PCDH15: variants seen among roughly 807,000 people sequenced by gnomAD.
PCDH15 encodes the protein protocadherin-15.
A neutral mutation model predicts 178.5 loss-of-function variants in PCDH15; 129 were observed. The ratio of observed to expected loss-of-function variants is 0.72; its 90% CI spans 0.63 to 0.84. The LOEUF (loss-of-function observed/expected upper bound fraction) is 0.84, where lower values mean the gene tolerates loss of function less well. Among genes scored for constraint, PCDH15 ranks in the 40% least tolerant of loss-of-function variants. The pLI is 0.00. For synonymous variants in PCDH15, 800 were observed against 732.0 expected (o/e 1.09, Z -1.50); for missense variants, 2,230 against 2,099.9 (o/e 1.06, Z -1.21).
intron 2 of PCDH15, among the ~76,000 whole-genome samples, chr10:55,612,508 G>C (rs1337973619): frequency 2.6e-5 from 4 of 152,056 alleles, no homozygotes; most frequent in African/African-American, 9.7e-5. Context: ...GATCTTATTA[G>C]AGGAAGAAAA....
At chr10:53,827,250 C>T in intron 32 of PCDH15, 143 bp downstream of exon 32, 3 of 1,233,562 alleles carry the variant, frequency 2.4e-6, no homozygotes, top group East Asian at 2.7e-5. Context: ...AGATTTTCGT[C>T]TTAACAAATT....
At chr10:54,154,314 T>C (rs765172810) in intron 13 of PCDH15, among the ~76,000 whole-genome samples, 1 of 147,444 alleles carries the variant, frequency 6.8e-6, no homozygotes, top group African/African-American at 2.7e-5. Context: ...AATTTACACA[T>C]GAGGGAATAT....
intron 3 of PCDH15, among the ~76,000 whole-genome samples, chr10:54,460,854 T>A (rs2077123156): frequency 6.6e-6 from 1 of 152,022 alleles, no homozygotes; most frequent in African/African-American, 2.4e-5. Context: ...CGTGGGAGAG[T>A]GTTAAATAGC....
rs556767778 is a variant in PCDH15 at position 55,469,942 on chromosome 10, G to A, written c.-156+157683C>T. On this transcript the variant is annotated intron_variant, in intron 2 of 5. Transcript: ENST00000613346. ...GTATGTATTCATCTTTCCTCCTGGT[G>A]TTTCATGGATTTGTTTTTTCCACTT... Among the ~76,000 whole-genome samples the A allele has an allele frequency of 6.6e-5, 10 of 152,036 alleles. No homozygotes were observed. In the South Asian group the frequency reaches 2.1e-3, roughly 32 times the overall value.
intron 1 of PCDH15, among the ~76,000 whole-genome samples, chr10:54,676,323 T>C (rs1590987486): frequency 6.6e-6 from 1 of 152,078 alleles, no homozygotes; most frequent in Non-Finnish European, 1.5e-5. Flanking sequence ...CCAATTAAAC[T>C]AATCTTTTCT....
intron 2 of PCDH15, among the ~76,000 whole-genome samples, chr10:55,156,102 C>T (rs1838881547): frequency 1.3e-5 from 2 of 152,132 alleles, no homozygotes; most frequent in Non-Finnish European, 2.9e-5. Flanking sequence ...AAAGGACCTA[C>T]ACTCCAATCC....
intron 2 of PCDH15, among the ~76,000 whole-genome samples, chr10:55,070,599 C>T (rs556839597): frequency 1.3e-5 from 2 of 152,160 alleles, no homozygotes; most frequent in South Asian, 2.1e-4. Context: ...AGATACGTGG[C>T]GTTATTTCTG....
At chr10:53,906,796 T>G (rs2133714514) in intron 25 of PCDH15, 1 of 88,834 alleles carries the variant, frequency 1.1e-5, no homozygotes, top group African/African-American at 5.0e-5. Flanking sequence ...CCACCCCTTA[T>G]TCCTCTTTTT....
chr10:55,607,975 C>T (rs1382276218), intron 2 of PCDH15, among the ~76,000 whole-genome samples: 3 of 151,878 alleles, frequency 2.0e-5, no homozygotes, highest in African/African-American at 7.3e-5. Flanking sequence ...TTATTTTATA[C>T]TTTATAATTT....
chr10:54,949,856 C>T (rs981176690), intron 2 of PCDH15, among the ~76,000 whole-genome samples: 1 of 151,926 alleles, frequency 6.6e-6, no homozygotes, highest in African/African-American at 2.4e-5. Context: ...TTCCAGTTCC[C>T]AACAAATTCC....
chr10:55,200,628 G>A (rs763343866), intron 1 of PCDH15, among the ~76,000 whole-genome samples: 2 of 152,060 alleles, frequency 1.3e-5, no homozygotes, highest in Non-Finnish European at 2.9e-5. Flanking sequence ...GCCAGGAACA[G>A]AATGATATGG....
chr10:55,177,565 C>G (rs1839528691), intron 1 of PCDH15, among the ~76,000 whole-genome samples: 1 of 152,144 alleles, frequency 6.6e-6, no homozygotes, highest in Admixed American at 6.5e-5. Flanking sequence ...CCAGAGGCTA[C>G]TAAGTTAACG....
At chr10:55,114,405 C>T (rs1206232196) in intron 2 of PCDH15, among the ~76,000 whole-genome samples, 9 of 152,124 alleles carry the variant, frequency 5.9e-5, no homozygotes, top group Admixed American at 5.2e-4. Context: ...ACCTATACTT[C>T]CAAAAAGTAA....
intron 8 of PCDH15, among the ~76,000 whole-genome samples, chr10:54,295,586 T>C (rs922281642): frequency 3.3e-5 from 5 of 152,126 alleles, no homozygotes; most frequent in Non-Finnish European, 7.4e-5. Flanking sequence ...AAGAAGAAAC[T>C]CTGGACGTAT....
At chr10:54,390,399 T>C (rs769662386) in intron 3 of PCDH15, among the ~76,000 whole-genome samples, 1 of 152,148 alleles carries the variant, frequency 6.6e-6, no homozygotes, top group Non-Finnish European at 1.5e-5. Context: ...TTCACGCCAT[T>C]CTTCTGCCTC....
chr10:55,444,200 G>T (rs1391512090), intron 2 of PCDH15, among the ~76,000 whole-genome samples: 1 of 151,436 alleles, frequency 6.6e-6, no homozygotes. Context: ...GGGTGGATGG[G>T]TGCAGCAAAC....
At chr10:53,823,731 C>G (rs966262397) in intron 32 of PCDH15, 8 of 443,984 alleles carry the variant, frequency 1.8e-5, no homozygotes, top group African/African-American at 1.5e-4. Flanking sequence ...GAACACCATC[C>G]TTGCCTGAGG....
chr10:55,606,585 T>C (rs1843222876), intron 2 of PCDH15, among the ~76,000 whole-genome samples: 1 of 147,192 alleles, frequency 6.8e-6, no homozygotes. Context: ...CCCTCAGAAA[T>C]AATGCTGCAT....
intron 12 of PCDH15, 29 bp downstream of exon 12, chr10:54,185,105 A>C (rs960600426): frequency 6.2e-7 from 1 of 1,602,372 alleles, no homozygotes; most frequent in Non-Finnish European, 8.5e-7. Flanking sequence ...TCATACATAC[A>C]TATGTATATT....
Sources: allele counts gnomAD v4.1 joint callset (sites outside exome capture counted in the v4.1 genomes callset), GRCh38; gene constraint gnomAD v4.1.1; transcripts MANE v1.5; gene names NCBI Gene and HGNC (gene_info 2026-07-23, HGNC 2026-07-21).